Variants in GABRE observed in about 807,000 individuals in gnomAD.
GABRE encodes gamma-aminobutyric acid type A receptor subunit epsilon.
Under a neutral mutation model 31.0 loss-of-function variants are expected in GABRE, and 20 were observed. The ratio of observed to expected loss-of-function variants is 0.64; its 90% CI spans 0.45 to 0.94. The LOEUF is 0.94. GABRE is among the 40% of genes least tolerant of loss of function. The pLI is 0.00. For missense variants in GABRE, 420 were observed against 410.7 expected (o/e 1.02, Z -0.20); for synonymous variants, 155 against 150.6 (o/e 1.03, Z -0.21).
At chrX:151,959,150 C>T (rs1279347402) in intron 6 of GABRE, 1 of 303,882 alleles carries the variant, frequency 3.3e-6, no homozygotes, top group Admixed American at 3.4e-5. Context: ...TTCAGGTCAC[C>T]TAGGAACATA....
In GABRE at chrX:151,959,984, G is replaced by A; in HGVS notation, c.647-8C>T. On this transcript the variant is annotated splice_polypyrimidine_tract_variant and splice_region_variant and intron_variant, in intron 5 of 8. Coordinates refer to ENST00000370328, the MANE Select transcript of GABRE (RefSeq NM_004961.4). Reference sequence around the variant, plus strand: ...CATTCTCAGGATAGGAAACTGGAAAGGAATGTGAGAAAGAGGGTCTTATGA... The same window carrying A: ...CATTCTCAGGATAGGAAACTGGAAAAGAATGTGAGAAAGAGGGTCTTATGA... 3 of 1,206,138 alleles carry A rather than the reference G, an allele frequency of 2.5e-6. No homozygotes were observed. Among genetic ancestry groups the A allele is most frequent in the Non-Finnish European group, 1.1e-6 (1 of 893,078 alleles).
intron 3 of GABRE, among the ~76,000 whole-genome samples, chrX:151,963,591 T>C (rs1014675939): frequency 1.3e-4 from 15 of 112,321 alleles, no homozygotes; most frequent in East Asian, 5.6e-4. Flanking sequence ...ATGGAGCAAA[T>C]TGAAAGACAC....
intron 1 of GABRE, chrX:151,972,111 C>T: frequency 5.3e-6 from 4 of 752,930 alleles, no homozygotes; most frequent in Non-Finnish European, 6.3e-6. Flanking sequence ...GAGACGTTGG[C>T]ATGACCCCTG....
Position 151,955,809 on chromosome X carries a change from T to G in GABRE, c.836A>C (p.Tyr279Ser), listed in dbSNP as rs1934147900. The G allele has an allele frequency of 2.5e-6, 3 of 1,210,158 alleles. No individual in the cohort carries two copies. The highest frequency in any genetic ancestry group is 3.4e-6 in the Non-Finnish European group (3 of 895,193). Reference protein sequence around the residue: ...IFFNVSRRFGYVAFQNYVPSS... With the variant: ...IFFNVSRRFGSVAFQNYVPSS... ...AGGGACATAGTTTTGAAAGGCAACA[T>G]AGCCAAACCGCCTGCTCACATTGAA... The change falls in exon 7 of 9, where the codon TAT becomes TCT. Residue 279 changes from tyrosine to serine, a missense_variant. Transcript: ENST00000370328.
chrX:151,969,921 G>A, intron 2 of GABRE, 185 bp from the exon 3 acceptor site: 1 of 1,072,764 alleles, frequency 9.3e-7, no homozygotes, highest in East Asian at 3.3e-5. Context: ...TTAAGAATTG[G>A]ACACACATCT....
At chrX:151,959,044 G>C (rs1934271268) in intron 6 of GABRE, 1 of 329,450 alleles carries the variant, frequency 3.0e-6, no homozygotes, top group African/African-American at 2.7e-5. Context: ...AACGATGAGG[G>C]CAGTGCCTTC....
intron 1 of GABRE, among the ~76,000 whole-genome samples, chrX:151,973,170 G>C (rs1934770501): frequency 1.8e-5 from 2 of 111,175 alleles, no homozygotes; most frequent in African/African-American, 6.6e-5. Flanking sequence ...TTCTGGTTCA[G>C]TGTGGCCCAG....
chrX:151,955,676 G>A (rs1934141798), intron 7 of GABRE, 32 bp downstream of exon 7: 6 of 1,206,909 alleles, frequency 5.0e-6, no homozygotes, highest in African/African-American at 1.8e-5. Context: ...TCCCAGCCAT[G>A]TGCCTATGCG....
At chrX:151,958,353 GC>G (rs2124155073) in intron 6 of GABRE, 1 of 236,340 alleles carries the variant, frequency 4.2e-6, no homozygotes. Context: ...TAATCGCCGA[GC>G]ACGTAAGTAT....
At chrX:151,955,972 G>C (rs1377282880) in intron 6 of GABRE, 112 bp from the exon 7 acceptor site, 2 of 741,920 alleles carry the variant, frequency 2.7e-6, no homozygotes, top group Non-Finnish European at 4.0e-6. Context: ...CCCTAGGATA[G>C]AGGCATGATG....
Position 151,955,812 on chromosome X carries a change from C to T in GABRE, c.833G>A (p.Gly278Asp). ...GACATAGTTTTGAAAGGCAACATAGCCAAACCGCCTGCTCACATTGAAGAA... is the reference window on the plus strand; with the variant it reads ...GACATAGTTTTGAAAGGCAACATAGTCAAACCGCCTGCTCACATTGAAGAA... ...TIFFNVSRRF[G>D]YVAFQNYVPS... The change falls in exon 7 of 9, where the codon GGC becomes GAC. Residue 278 changes from glycine to aspartate, a missense_variant. Coordinates refer to ENST00000370328, the MANE Select transcript of GABRE (RefSeq NM_004961.4). 1 of 1,211,809 alleles carries T rather than the reference C, an allele frequency of 8.3e-7. No homozygotes were observed. The highest frequency in any genetic ancestry group is 1.1e-6 in the Non-Finnish European group (1 of 895,383).
intron 5 of GABRE, among the ~76,000 whole-genome samples, chrX:151,960,600 C>A (rs7063303): frequency 1.2e-4 from 13 of 111,663 alleles, no homozygotes; most frequent in African/African-American, 4.2e-4. Context: ...TGAGAGTTAA[C>A]GGCAGATTCG....
At chrX:151,959,729 C>A in intron 6 of GABRE, 110 bp downstream of exon 6, 1 of 819,107 alleles carries the variant, frequency 1.2e-6, no homozygotes. Context: ...AAGACAGGAG[C>A]CATGTCTTAC....
chrX:151,962,602 G>A lies in GABRE; in HGVS notation c.384C>T (p.Asp128=), dbSNP rs780137705. The change falls in exon 4 of 9, where the codon GAC becomes GAT. Residue 128 remains aspartate (D), a synonymous_variant. Coordinates refer to ENST00000370328, the MANE Select transcript of GABRE (RefSeq NM_004961.4). ...IDIIFSQTWY[D]ERLCYNDTFE... ...AGGTGTCGTTGTAACAGAGGCGTTC[G>A]TCGTACCAGGTCTGGGAGAAGATGA... is the stretch of plus-strand genomic sequence containing the variant. 1.2e-5 allele frequency: 15 copies of A among 1,208,906 alleles called. No homozygotes were observed. The highest frequency in any genetic ancestry group is 2.3e-4 in the Middle Eastern group (1 of 4,352).
intron 6 of GABRE, chrX:151,957,410 T>G: frequency 3.0e-6 from 1 of 328,907 alleles, no homozygotes; most frequent in Non-Finnish European, 5.9e-6. Context: ...CCTCCAGAGC[T>G]GCTGCACGGA....
intron 6 of GABRE, 130 bp downstream of exon 6, chrX:151,959,709 T>G: frequency 1.4e-6 from 1 of 721,925 alleles, no homozygotes; most frequent in Non-Finnish European, 2.2e-6. Flanking sequence ...TGTAAGTGCT[T>G]AGCAATTATA....
At chrX:151,969,627 C>T (rs759374370) in intron 3 of GABRE, 42 bp downstream of exon 3, 4 of 1,176,510 alleles carry the variant, frequency 3.4e-6, no homozygotes, top group Non-Finnish European at 4.6e-6. Flanking sequence ...CATAGGTCAG[C>T]CCCTGGGCTA....
chrX:151,969,987 C>T lies in GABRE; in HGVS notation c.274+198G>A, dbSNP rs905678229. The T allele has an allele frequency of 4.8e-5, 52 of 1,076,348 alleles. 1 individual carries two copies. The East Asian group carries it at 1.5e-3, about 31-fold the overall frequency. 88.7% of individuals were successfully genotyped at this position (1,076,348 alleles called of 1,213,427 possible). On this transcript the variant is annotated intron_variant, in intron 2 of 8. Coordinates refer to ENST00000370328, the MANE Select transcript of GABRE (RefSeq NM_004961.4). ...ATTTTACCACTGGAAAAACTGAGGG[C>T]GAGAGAAGGGAAAAGTCTTGATCAA...
intron 8 of GABRE, 47 bp from the exon 9 acceptor site, chrX:151,955,131 C>T: frequency 8.4e-7 from 1 of 1,187,095 alleles, no homozygotes. Context: ...GGGAAGATAA[C>T]CCAAGTCTAA....
Sources: gnomAD v4.1 joint callset for allele counts (sites outside exome capture counted in the v4.1 genomes callset) on GRCh38, gnomAD v4.1.1 for gene constraint, MANE v1.5 for transcripts, NCBI Gene and HGNC (gene_info 2026-07-23, HGNC 2026-07-21) for gene names.